CYP27C1: variants seen among roughly 807,000 people sequenced by gnomAD.
The protein encoded by CYP27C1 is cytochrome P450 family 27 subfamily C member 1, also known as cytochrome P450 27C1.
CYP27C1 carries 29 observed loss-of-function variants against 40.6 expected under a neutral mutation model. That is an observed-to-expected ratio of 0.71 (90% CI 0.53 to 0.97). The LOEUF is 0.97. Ranked by LOEUF, CYP27C1 falls within the 50% of genes least tolerant of loss-of-function variation. CYP27C1 has a pLI of 0.00. For missense variants in CYP27C1, 390 were observed against 485.8 expected, an observed-to-expected ratio of 0.80 and a Z score of 1.85; for synonymous variants, 198 against 186.8, an observed-to-expected ratio of 1.06 and a Z score of -0.49.
chr2:127,195,518 G>T lies in CYP27C1; in HGVS notation c.1048-17C>A, dbSNP rs769721923. The T allele has an allele frequency of 6.2e-7, 1 of 1,612,798 alleles. No individual in the cohort carries two copies. Among genetic ancestry groups the T allele is most frequent in the Non-Finnish European group, 8.5e-7 (1 of 1,179,234 alleles). On this transcript the variant is annotated splice_polypyrimidine_tract_variant and intron_variant, in intron 5 of 8. Transcript: ENST00000664447. The surrounding 1 kb of genome is among the most constrained non-coding windows in gnomAD (Gnocchi z 6.2). ...GAAGGACGTCTAAGGAGAGAAAGTG[G>T]CAGACACAGGCAGGCAGTGAGTAAC... is the stretch of plus-strand genomic sequence containing the variant.
In CYP27C1 at chr2:127,219,306, G is replaced by A. The variant is rs1318917969; in HGVS notation, c.282+683C>T. Among the ~76,000 whole-genome samples, 2 of 152,058 alleles carry A rather than the reference G, an allele frequency of 1.3e-5. No individual in the cohort carries two copies. Among genetic ancestry groups the A allele is most frequent in the South Asian group, 2.1e-4 (1 of 4,792 alleles). On this transcript the variant is annotated intron_variant, in intron 1 of 8. Coordinates refer to ENST00000664447, the MANE Select transcript of CYP27C1 (RefSeq NM_001367502.1). The surrounding 1 kb of genome is among the most constrained non-coding windows in gnomAD (Gnocchi z 8.7). ...GCCAGCTCTCCACTCCCAGGCCCCGGCGGCGTCCACCAGGCGCCCGCTGCC... is the reference window on the plus strand; with the variant it reads ...GCCAGCTCTCCACTCCCAGGCCCCGACGGCGTCCACCAGGCGCCCGCTGCC...
At chr2:127,202,126 T>C (rs1243153174) in intron 3 of CYP27C1, among the ~76,000 whole-genome samples, 1 of 150,314 alleles carries the variant, frequency 6.7e-6, no homozygotes, top group Non-Finnish European at 1.5e-5. Context: ...TAGACCAACA[T>C]GCTTTTTTTT....
At chr2:127,211,150 C>A (rs1683327325) in intron 1 of CYP27C1, among the ~76,000 whole-genome samples, 1 of 152,102 alleles carries the variant, frequency 6.6e-6, no homozygotes, top group Non-Finnish European at 1.5e-5. Flanking sequence ...GAAATCATAA[C>A]AAACAGTCTC....
intron 4 of CYP27C1, among the ~76,000 whole-genome samples, chr2:127,199,958 T>C (rs1682994446): frequency 6.6e-6 from 1 of 152,144 alleles, no homozygotes; most frequent in South Asian, 2.1e-4. Flanking sequence ...CTTCAGGACT[T>C]CTATATTCAA....
Position 127,196,999 on chromosome 2 carries a change from T to A in CYP27C1, c.1048-1498A>T, listed in dbSNP as rs558802473. Reference sequence around the variant, plus strand: ...TTATACCGCAATAAAATCATACTAATTTTTAAAAATCAGTATGAAGTTGTA... The same window carrying A: ...TTATACCGCAATAAAATCATACTAAATTTTAAAAATCAGTATGAAGTTGTA... On this transcript the variant is annotated intron_variant, in intron 5 of 8. Transcript: ENST00000664447. This position sits in a 1 kb window ranked among gnomAD's most constrained non-coding sequence, Gnocchi z 4.5. Among the ~76,000 whole-genome samples the A allele has an allele frequency of 2.0e-5, 3 of 152,336 alleles. No homozygotes were observed. The South Asian group carries it at 6.2e-4, about 32-fold the overall frequency.
chr2:127,217,263 G>A (rs1023682213), intron 1 of CYP27C1, among the ~76,000 whole-genome samples: 1 of 152,144 alleles, frequency 6.6e-6, no homozygotes, highest in Non-Finnish European at 1.5e-5. Context: ...TTTGAATCTG[G>A]GCTCACAGTT....
rs1241738856 is a variant in CYP27C1 at position 127,208,501 on chromosome 2, G to C, written c.283-2411C>G. Among the ~76,000 whole-genome samples, 3 of 152,208 alleles carry C rather than the reference G, an allele frequency of 2.0e-5. No individual in the cohort carries two copies. Among genetic ancestry groups the C allele is most frequent in the African/African-American group, 4.8e-5 (2 of 41,448 alleles). Reference sequence around the variant, plus strand: ...AGCCTACTGAACTCCTGAGGGGATGGGCGACCAGCACCAGCTGCGGCTGCC... The same window carrying C: ...AGCCTACTGAACTCCTGAGGGGATGCGCGACCAGCACCAGCTGCGGCTGCC... On this transcript the variant is annotated intron_variant, in intron 1 of 8. Transcript: ENST00000664447. The surrounding 1 kb of genome is among the most constrained non-coding windows in gnomAD (Gnocchi z 5.2).
rs1347375857 is a variant in CYP27C1, at chr2:127,201,420, GT to G, written c.674-90del. On this transcript the variant is annotated intron_variant, in intron 3 of 8. Coordinates refer to ENST00000664447, the MANE Select transcript of CYP27C1 (RefSeq NM_001367502.1). This position sits in a 1 kb window ranked among gnomAD's most constrained non-coding sequence, Gnocchi z 6.0. ...TGGGCCATAAATGCAACTTTCAAAC[GT>G]GGTCCAGGTGCCTTTCATGAATGAG... The G allele has an allele frequency of 8.0e-7, 1 of 1,252,004 alleles. No individual in the cohort carries two copies. Among genetic ancestry groups the G allele is most frequent in the African/African-American group, 1.5e-5 (1 of 67,250 alleles). 77.6% of individuals were successfully genotyped at this position (1,252,004 alleles called of 1,614,324 possible).
chr2:127,187,358 A>T lies in CYP27C1; in HGVS notation c.1527T>A (p.Ser509=), dbSNP rs1682653758. The change falls in exon 9 of 9, where the codon TCT becomes TCA. Residue 509 remains serine (S), a synonymous_variant. Coordinates refer to ENST00000664447, the MANE Select transcript of CYP27C1 (RefSeq NM_001367502.1). ...TTGCATGAACAGCATTGGTCTGAGA[A>T]GATGTTTTGATCTCAAAATGTTGAA... ...QLLQHFEIKT[S]SQTNAVHAKT... 3 of 1,614,014 alleles carry T rather than the reference A, an allele frequency of 1.9e-6. No individual in the cohort carries two copies. Among genetic ancestry groups the T allele is most frequent in the Non-Finnish European group, 2.5e-6 (3 of 1,179,996 alleles).
intron 2 of CYP27C1, among the ~76,000 whole-genome samples, chr2:127,204,444 GAAAGAAA>G (rs1558930833): frequency 1.7e-4 from 4 of 23,252 alleles, no homozygotes; most frequent in African/African-American, 7.2e-4. Context: ...GAAAGAAAAA[GAAAGAAA>G]GAAAGAAAGA....
chr2:127,203,854 T>TA (rs1307221002), intron 2 of CYP27C1, among the ~76,000 whole-genome samples: 2 of 152,018 alleles, frequency 1.3e-5, no homozygotes. Flanking sequence ...CGACTTCCTT[T>TA]AAAAAATCTT....
In CYP27C1 at chr2:127,220,229, C is replaced by T. The variant is rs1384230160; in HGVS notation, c.42G>A (p.Pro14=). Among the ~76,000 whole-genome samples the T allele has an allele frequency of 1.3e-5, 2 of 151,230 alleles. No homozygotes were observed. The highest frequency in any genetic ancestry group is 3.0e-5 in the Non-Finnish European group (2 of 67,762). The change falls in exon 1 of 9, where the codon CCG becomes CCA. Residue 14 remains proline (P), a synonymous_variant. Coordinates refer to ENST00000664447, the MANE Select transcript of CYP27C1 (RefSeq NM_001367502.1). The surrounding 1 kb of genome is among the most constrained non-coding windows in gnomAD (Gnocchi z 4.6). ...CCAGGAGCCCACCCCGCTCGGGCGC[C>T]GGCCGCAGCCCGGCTCTCAGGATCC... is the stretch of plus-strand genomic sequence containing the variant. ...LARILRAGLR[P]APERGGLLGG... is the part of the protein sequence containing the mutation.
intron 2 of CYP27C1, among the ~76,000 whole-genome samples, chr2:127,204,941 G>A (rs1029319388): frequency 6.6e-6 from 1 of 152,320 alleles, no homozygotes; most frequent in Middle Eastern, 3.4e-3. Context: ...TGCACTCAAA[G>A]CCTTGCCTCC....
At chr2:127,215,003 C>T (rs542108214) in intron 1 of CYP27C1, among the ~76,000 whole-genome samples, 1 of 151,792 alleles carries the variant, frequency 6.6e-6, no homozygotes, top group Non-Finnish European at 1.5e-5. Flanking sequence ...GTGGCGGGCG[C>T]CTGTAGTCCC....
chr2:127,204,532 A>G (rs1227879051), intron 2 of CYP27C1, among the ~76,000 whole-genome samples: 3 of 36,552 alleles, frequency 8.2e-5, no homozygotes, highest in African/African-American at 9.8e-5. Flanking sequence ...AAAGAAAGAA[A>G]GAAAGAGAGA....
intron 1 of CYP27C1, among the ~76,000 whole-genome samples, chr2:127,217,500 C>T (rs1044137559): frequency 6.6e-6 from 1 of 152,184 alleles, no homozygotes; most frequent in Non-Finnish European, 1.5e-5. Context: ...ATCTCCTTTA[C>T]GGATGAGAAA....
chr2:127,191,598 C>T (rs1026570149), intron 8 of CYP27C1, among the ~76,000 whole-genome samples: 1 of 152,210 alleles, frequency 6.6e-6, no homozygotes, highest in East Asian at 1.9e-4. Context: ...AGAACAGCTT[C>T]CACTTCTTGG....
rs1219352502 is a variant in CYP27C1, at chr2:127,200,252, T to C, written c.884-713A>G. 6.6e-6 allele frequency among the ~76,000 whole-genome samples: 1 copy of C among 152,224 alleles called. No homozygotes were observed. The highest frequency in any genetic ancestry group is 2.4e-5 in the African/African-American group (1 of 41,468). Reference sequence around the variant, plus strand: ...ACCTCGGCCTCCCAAAGTGCTGGGATTACAGGCGTGAGCCACTGCACCCAG... The same window carrying C: ...ACCTCGGCCTCCCAAAGTGCTGGGACTACAGGCGTGAGCCACTGCACCCAG... On this transcript the variant is annotated intron_variant, in intron 4 of 8. Transcript: ENST00000664447. The surrounding 1 kb of genome is among the most constrained non-coding windows in gnomAD (Gnocchi z 4.2).
intron 1 of CYP27C1, among the ~76,000 whole-genome samples, chr2:127,215,006 G>A (rs1419277596): frequency 6.6e-6 from 1 of 151,606 alleles, no homozygotes. Flanking sequence ...GCGGGCGCCT[G>A]TAGTCCCAGC....
Sources: gnomAD v4.1 joint callset for allele counts (sites outside exome capture counted in the v4.1 genomes callset) on GRCh38, gnomAD v4.1.1 for gene constraint, Gnocchi (gnomAD v3.1) non-coding constraint, MANE v1.5 for transcripts, NCBI Gene and HGNC (gene_info 2026-07-23, HGNC 2026-07-21) for gene names.